DMRT3: variants seen among roughly 807,000 people sequenced by gnomAD.
DMRT3 encodes doublesex- and mab-3-related transcription factor 3.
DMRT3 carries 29 observed loss-of-function variants against 34.9 expected under a neutral mutation model. The observed-to-expected ratio is 0.83, with a 90% CI of 0.62 to 1.13. The LOEUF (loss-of-function observed/expected upper bound fraction) is 1.13, where lower values mean the gene tolerates loss of function less well. Ranked by LOEUF, DMRT3 falls within the 50% of genes most tolerant of loss-of-function variation. The pLI is 0.00. For synonymous variants in DMRT3, 350 were observed against 286.0 expected (o/e 1.22, Z -2.26); for missense variants, 772 against 629.1 (o/e 1.23, Z -2.43).
At chr9:984,280 T>C (rs1820255950) in intron 1 of DMRT3, among the ~76,000 whole-genome samples, 1 of 152,200 alleles carries the variant, frequency 6.6e-6, no homozygotes, top group South Asian at 2.1e-4. Flanking sequence ...TGTTTCAAAA[T>C]GCGTGACATG....
intron 1 of DMRT3, among the ~76,000 whole-genome samples, chr9:989,406 A>G (rs139052810): frequency 8.9e-4 from 135 of 152,318 alleles, no homozygotes; most frequent in African/African-American, 3.1e-3. Context: ...AAGTTTGCCA[A>G]TGCCTCAAGT....
chr9:979,002 T>C (rs1820185021), intron 1 of DMRT3, among the ~76,000 whole-genome samples: 1 of 152,196 alleles, frequency 6.6e-6, no homozygotes, highest in South Asian at 2.1e-4. Flanking sequence ...AGAATTGGAT[T>C]TGTACCAATA....
chr9:977,577 C>T (rs1820168476), intron 1 of DMRT3, 122 bp downstream of exon 1: 1 of 970,964 alleles, frequency 1.0e-6, no homozygotes, highest in Non-Finnish European at 1.3e-6. Flanking sequence ...CGGGGCTTTC[C>T]TTCCTACTCT....
At chr9:979,638 G>T (rs1019931131) in intron 1 of DMRT3, among the ~76,000 whole-genome samples, 2 of 152,048 alleles carry the variant, frequency 1.3e-5, no homozygotes. Flanking sequence ...ACTCTGATGG[G>T]GAGTGGGGAG....
In DMRT3 at chr9:977,373, T is replaced by A; in HGVS notation, c.372T>A (p.Ala124=). The change falls in exon 1 of 2, where the codon GCT becomes GCA. Residue 124 remains alanine, a synonymous_variant. Coordinates refer to ENST00000190165, the MANE Select transcript of DMRT3 (RefSeq NM_021240.4). ...QPSQPQPPRP[A]AELAAAAALR... The stretch of plus-strand genomic sequence containing the variant: ...CGCAGCCGCAGCCGCCGCGCCCTGC[T>A]GCCGAGTTGGCCGCGGCCGCCGCGC... 1 of 1,229,660 alleles carries A rather than the reference T, an allele frequency of 8.1e-7. No homozygotes were observed. Among genetic ancestry groups the A allele is most frequent in the Non-Finnish European group, 1.0e-6 (1 of 987,884 alleles). The allele number at this position is 1,229,660 out of a possible 1,614,324, so 76.2% of individuals were successfully genotyped here. A position where few individuals can be genotyped will look rare whatever the true frequency, so the allele number is the denominator to read the frequency against.
At chr9:979,174 G>C (rs1183282677) in intron 1 of DMRT3, among the ~76,000 whole-genome samples, 1 of 152,118 alleles carries the variant, frequency 6.6e-6, no homozygotes, top group Non-Finnish European at 1.5e-5. Context: ...CACATCCTGT[G>C]TTCTTCAGAG....
chr9:987,602 T>G (rs939995768), intron 1 of DMRT3, among the ~76,000 whole-genome samples: 14 of 152,190 alleles, frequency 9.2e-5, no homozygotes, highest in African/African-American at 2.4e-4. Context: ...CCTGTTTGCT[T>G]CTTCTCCTGC....
intron 1 of DMRT3, among the ~76,000 whole-genome samples, chr9:981,785 G>C (rs1415142554): frequency 6.6e-6 from 1 of 152,152 alleles, no homozygotes; most frequent in Non-Finnish European, 1.5e-5. Flanking sequence ...GCACCAGGGG[G>C]TCGGAGCTGC....
At chr9:977,605 C>G (rs1820168848) in intron 1 of DMRT3, 150 bp downstream of exon 1, 3 of 876,944 alleles carry the variant, frequency 3.4e-6, no homozygotes, top group South Asian at 1.1e-4. Flanking sequence ...GCCGGGGCTT[C>G]CTCTCCCGGG....
At chr9:981,257 A>G (rs1016763819) in intron 1 of DMRT3, among the ~76,000 whole-genome samples, 4 of 150,568 alleles carry the variant, frequency 2.7e-5, no homozygotes, top group African/African-American at 4.9e-5. Flanking sequence ...CGCAAAGTCC[A>G]CTTCCTTTTT....
intron 1 of DMRT3, among the ~76,000 whole-genome samples, chr9:988,176 G>A (rs1196998722): frequency 6.6e-6 from 1 of 152,154 alleles, no homozygotes; most frequent in Non-Finnish European, 1.5e-5. Flanking sequence ...TCTTTCTATA[G>A]AGTCATTATA....
Position 976,944 on chromosome 9 carries a change from C to T in DMRT3, c.-58C>T, listed in dbSNP as rs2130049889. The T allele has an allele frequency of 7.2e-7, 1 of 1,391,468 alleles. No homozygotes were observed. Among genetic ancestry groups the T allele is most frequent in the Non-Finnish European group, 9.3e-7 (1 of 1,069,870 alleles). The allele number at this position is 1,391,468 out of a possible 1,614,324, so 86.2% of individuals were successfully genotyped here. A position where few individuals can be genotyped will look rare whatever the true frequency, so the allele number is the denominator to read the frequency against. ...GAGCGGGCCTCGCAGCCCCGCCGTC[C>T]AGCGCTCCCTGGCCCTCTCCCGCAG... On this transcript the variant is annotated 5_prime_UTR_variant, in exon 1 of 2. Coordinates refer to ENST00000190165, the MANE Select transcript of DMRT3 (RefSeq NM_021240.4). The surrounding 1 kb of genome is among the most constrained non-coding windows in gnomAD (Gnocchi z 4.5).
chr9:979,486 G>A (rs1248789956), intron 1 of DMRT3, among the ~76,000 whole-genome samples: 1 of 152,084 alleles, frequency 6.6e-6, no homozygotes, highest in Admixed American at 6.5e-5. Flanking sequence ...GGGGACCGAG[G>A]CATCAGGGAC....
chr9:990,288 C>T lies in DMRT3; in HGVS notation c.702C>T (p.Gly234=), dbSNP rs749839281. ...AGCAGAATCACCTCCTGATTGAGGG[C>T]CCCTCGGGGACTGTTTCTCTGCCCT... ...HAEQNHLLIE[G]PSGTVSLPFS... Residue 234 remains glycine, a synonymous_variant, in exon 2 of 2, where the codon GGC becomes GGT. Transcript: ENST00000190165. 6 of 1,613,702 alleles carry T rather than the reference C, an allele frequency of 3.7e-6. No homozygotes were observed. Among genetic ancestry groups the T allele is most frequent in the Admixed American group, 1.7e-5 (1 of 59,976 alleles).
At chr9:979,093 A>G (rs1393138675) in intron 1 of DMRT3, among the ~76,000 whole-genome samples, 1 of 152,168 alleles carries the variant, frequency 6.6e-6, no homozygotes, top group Non-Finnish European at 1.5e-5. Flanking sequence ...AGTTAACATC[A>G]GAGGTTAACT....
chr9:981,270 T>G (rs1820217252), intron 1 of DMRT3, among the ~76,000 whole-genome samples: 2 of 152,148 alleles, frequency 1.3e-5, no homozygotes, highest in South Asian at 4.1e-4. Flanking sequence ...TCCTTTTTTT[T>G]TAATTTTTTT....
chr9:977,972 AG>A (rs1820173279), intron 1 of DMRT3, among the ~76,000 whole-genome samples: 1 of 152,166 alleles, frequency 6.6e-6, no homozygotes, highest in South Asian at 2.1e-4. Context: ...CCCAGGGCCC[AG>A]GAAAATTTGA....
At chr9:978,710 T>C (rs1211069110) in intron 1 of DMRT3, among the ~76,000 whole-genome samples, 1 of 152,230 alleles carries the variant, frequency 6.6e-6, no homozygotes, top group Non-Finnish European at 1.5e-5. Context: ...CTTTCCGCCA[T>C]GCTTTCCAGG....
Position 990,762 on chromosome 9 carries a change from G to A in DMRT3, c.1176G>A (p.Trp392Ter). 1.2e-6 allele frequency: 2 copies of A among 1,614,152 alleles called. No homozygotes were observed. The highest frequency in any genetic ancestry group is 3.3e-5 in the Admixed American group (2 of 60,018). The change falls in exon 2 of 2, where the codon TGG (tryptophan) becomes TGA (stop). Residue 392 changes from tryptophan to a stop codon, truncating the protein, a stop_gained. Coordinates refer to ENST00000190165, the MANE Select transcript of DMRT3 (RefSeq NM_021240.4). LOFTEE classifies it high-confidence loss of function. ...SPFLPNDVTL[W>*]NTMTLQQQYQ... is the part of the protein sequence containing the mutation. ...TTTTGCCCAATGATGTCACCCTGTGGAACACCATGACGCTGCAGCAGCAGT... is the reference window on the plus strand; with the variant it reads ...TTTTGCCCAATGATGTCACCCTGTGAAACACCATGACGCTGCAGCAGCAGT...
Sources: allele counts gnomAD v4.1 joint callset (sites outside exome capture counted in the v4.1 genomes callset), GRCh38; gene constraint gnomAD v4.1.1; non-coding constraint Gnocchi (gnomAD v3.1); transcripts MANE v1.5; gene names NCBI Gene and HGNC (gene_info 2026-07-23, HGNC 2026-07-21).